The following SLC25A21 variants were observed in gnomAD, a reference collection of about 807,000 sequenced individuals.
SLC25A21 encodes the protein solute carrier family 25 member 21, also known as mitochondrial 2-oxodicarboxylate carrier.
In SLC25A21, 47 loss-of-function variants were observed where a neutral mutation model predicts 43.8. That is an observed-to-expected ratio of 1.07 (90% CI 0.85 to 1.37). The LOEUF (loss-of-function observed/expected upper bound fraction) is 1.37, where lower values mean the gene tolerates loss of function less well. Among genes scored for constraint, SLC25A21 ranks in the 40% most tolerant of loss-of-function variants. The pLI, the probability that SLC25A21 is intolerant of heterozygous loss-of-function variation, is 0.00. For missense variants in SLC25A21, 352 were observed against 350.2 expected, an observed-to-expected ratio of 1.00 and a Z score of -0.04; for synonymous variants, 131 against 121.3, an observed-to-expected ratio of 1.08 and a Z score of -0.52.
chr14:37,096,211 G>A (rs1332779550), intron 1 of SLC25A21, among the ~76,000 whole-genome samples: 1 of 152,054 alleles, frequency 6.6e-6, no homozygotes, highest in East Asian at 1.9e-4. Context: ...ACTTATAAAA[G>A]TATTGCATCA....
At chr14:36,790,597 A>G (rs1887451965) in intron 3 of SLC25A21, among the ~76,000 whole-genome samples, 1 of 152,102 alleles carries the variant, frequency 6.6e-6, no homozygotes, top group Non-Finnish European at 1.5e-5. Flanking sequence ...AGTTCTCCCA[A>G]TTCACTTAAT....
chr14:37,090,950 T>A (rs1962573148), intron 1 of SLC25A21, among the ~76,000 whole-genome samples: 1 of 152,194 alleles, frequency 6.6e-6, no homozygotes, highest in East Asian at 1.9e-4. Flanking sequence ...GTGTCTCTGG[T>A]GACAACATTT....
chr14:36,931,636 C>T (rs6571767), intron 1 of SLC25A21, among the ~76,000 whole-genome samples: 72,664 of 151,908 alleles, frequency 0.48, 20,057 homozygotes, highest in Non-Finnish European at 0.61. Context: ...ATTGGGGTTA[C>T]GTGTTAGAGG....
chr14:37,110,751 A>G (rs1181548711), intron 1 of SLC25A21, among the ~76,000 whole-genome samples: 2 of 152,172 alleles, frequency 1.3e-5, no homozygotes, highest in African/African-American at 2.4e-5. Flanking sequence ...TCACTCCCAG[A>G]CAACTGTTTA....
At chr14:36,775,373 T>C (rs1886784813) in intron 3 of SLC25A21, among the ~76,000 whole-genome samples, 1 of 152,202 alleles carries the variant, frequency 6.6e-6, no homozygotes, top group Non-Finnish European at 1.5e-5. Context: ...GTGAAGTTTG[T>C]ACAGCCCTCC....
At chr14:36,894,756 T>C (rs1891187616) in intron 1 of SLC25A21, among the ~76,000 whole-genome samples, 1 of 152,158 alleles carries the variant, frequency 6.6e-6, no homozygotes, top group East Asian at 1.9e-4. Context: ...AGAAGCATTG[T>C]TGAATTTTGT....
At chr14:37,116,795 G>A (rs763368748) in intron 1 of SLC25A21, among the ~76,000 whole-genome samples, 2 of 152,210 alleles carry the variant, frequency 1.3e-5, no homozygotes, top group East Asian at 3.9e-4. Flanking sequence ...CACTGTCAAT[G>A]ATAATCAAAC....
At chr14:37,011,786 C>A (rs1960738896) in intron 1 of SLC25A21, among the ~76,000 whole-genome samples, 1 of 152,068 alleles carries the variant, frequency 6.6e-6, no homozygotes, top group Non-Finnish European at 1.5e-5. Flanking sequence ...TCAATTTTTG[C>A]TGAAATTTTC....
chr14:37,059,069 TA>T (rs1961889606), intron 1 of SLC25A21, among the ~76,000 whole-genome samples: 2 of 152,260 alleles, frequency 1.3e-5, no homozygotes, highest in Admixed American at 1.3e-4. Context: ...TATCTTTTCT[TA>T]TTTTAAACCA....
intron 3 of SLC25A21, among the ~76,000 whole-genome samples, chr14:36,812,394 A>T (rs74047009): frequency 0.021 from 3,256 of 151,782 alleles, 114 homozygotes; most frequent in African/African-American, 0.075. Flanking sequence ...ATATCATTTG[A>T]TCCTGTAAGT....
chr14:36,711,328 G>C lies in SLC25A21; in HGVS notation c.593C>G (p.Pro198Arg). 1.2e-6 allele frequency: 2 copies of C among 1,613,534 alleles called. No homozygotes were observed. The highest frequency in any genetic ancestry group is 1.7e-6 in the Non-Finnish European group (2 of 1,179,852). The change falls in exon 7 of 10, where the codon CCT becomes CGT. Residue 198 changes from proline to arginine, a missense_variant. By Grantham distance (103) the Pro-to-Arg change is moderately radical. Coordinates refer to ENST00000331299, the MANE Select transcript of SLC25A21 (RefSeq NM_030631.4). ...GFYYNVKNMI[P>R]VNKDPILEFW... ...TTATTAAATAGTTACCTTATTGACAGGAATCATGTTTTTGACATTGTAGTA... is the reference window on the plus strand; with the variant it reads ...TTATTAAATAGTTACCTTATTGACACGAATCATGTTTTTGACATTGTAGTA...
intron 1 of SLC25A21, among the ~76,000 whole-genome samples, chr14:37,026,712 G>T (rs1961100533): frequency 6.6e-6 from 1 of 152,092 alleles, no homozygotes; most frequent in South Asian, 2.1e-4. Context: ...GTCTAAAAAA[G>T]TATTTACAAA....
intron 1 of SLC25A21, among the ~76,000 whole-genome samples, chr14:37,166,364 A>G (rs1251353279): frequency 2.0e-5 from 3 of 152,242 alleles, no homozygotes; most frequent in Non-Finnish European, 4.4e-5. Context: ...TGTAGGTAAA[A>G]CAGTTATTTT....
At chr14:37,076,649 C>T (rs1437330027) in intron 1 of SLC25A21, among the ~76,000 whole-genome samples, 3 of 151,906 alleles carry the variant, frequency 2.0e-5, no homozygotes, top group East Asian at 1.9e-4. Flanking sequence ...ACAGCATGCC[C>T]GGCTAATTTT....
In SLC25A21 at chr14:36,764,194, G is replaced by GAAAGAAAGAAAGAAAGAAAGAAAGAA. The variant is rs1185480005; in HGVS notation, c.204-29622_204-29621insTTCTTTCTTTCTTTCTTTCTTTCTTT. ...AAAGAAAGAAAGAAAGAAAGAAAGA[G>GAAAGAAAGAAAGAAAGAAAGAAAGAA]AAAGAAAGAAACTGTTAGCTTCCCA... On this transcript the variant is annotated intron_variant, in intron 3 of 9. Transcript: ENST00000331299. 1.1e-3 allele frequency among the ~76,000 whole-genome samples: 102 copies of GAAAGAAAGAAAGAAAGAAAGAAAGAA among 92,232 alleles called. 1 individual carries two copies. Among genetic ancestry groups the GAAAGAAAGAAAGAAAGAAAGAAAGAA allele is most frequent in the East Asian group, 7.5e-3 (29 of 3,850 alleles). The allele number at this position is 92,232 out of a possible 152,430, so 60.5% of individuals were successfully genotyped here. A position where few individuals can be genotyped will look rare whatever the true frequency, so the allele number is the denominator to read the frequency against.
chr14:36,709,011 T>G (rs960589244), intron 7 of SLC25A21, among the ~76,000 whole-genome samples: 37 of 152,158 alleles, frequency 2.4e-4, no homozygotes, highest in Non-Finnish European at 4.1e-4. Flanking sequence ...TTAATCTTTT[T>G]TTTTTTGTTT....
At chr14:36,792,058 T>C (rs987773497) in intron 3 of SLC25A21, among the ~76,000 whole-genome samples, 2 of 152,172 alleles carry the variant, frequency 1.3e-5, no homozygotes, top group Non-Finnish European at 2.9e-5. Context: ...TCTTTGATAA[T>C]AGCATGAAAA....
intron 1 of SLC25A21, among the ~76,000 whole-genome samples, chr14:36,962,766 T>G (rs1433800521): frequency 6.6e-6 from 1 of 152,202 alleles, no homozygotes; most frequent in Non-Finnish European, 1.5e-5. Context: ...ATTCACCAGT[T>G]TGATTCAAGA....
chr14:37,044,378 T>C (rs563338037), intron 1 of SLC25A21, among the ~76,000 whole-genome samples: 21 of 152,284 alleles, frequency 1.4e-4, no homozygotes, highest in African/African-American at 4.6e-4. Flanking sequence ...CTTATTTAAA[T>C]GCAAACATAA....
Sources: allele counts gnomAD v4.1 joint callset (sites outside exome capture counted in the v4.1 genomes callset), GRCh38; gene constraint gnomAD v4.1.1; transcripts MANE v1.5; gene names NCBI Gene and HGNC (gene_info 2026-07-23, HGNC 2026-07-21).